JADE2: variants seen among roughly 807,000 people sequenced by gnomAD.
The protein encoded by JADE2 is E3 ubiquitin-protein ligase Jade-2.
In JADE2, 13 loss-of-function variants were observed where a neutral mutation model predicts 85.7. The observed-to-expected ratio is 0.15, with a 90% CI of 0.10 to 0.24. The LOEUF (loss-of-function observed/expected upper bound fraction) is 0.24. Ranked by LOEUF, JADE2 falls within the 10% of genes least tolerant of loss-of-function variation. JADE2 has a pLI of 1.00. For missense variants in JADE2, 846 were observed against 1,115.9 expected (o/e 0.76, Z 3.45); for synonymous variants, 440 against 456.1 (o/e 0.96, Z 0.45).
intron 3 of JADE2, among the ~76,000 whole-genome samples, chr5:134,548,653 A>G (rs1054050489): frequency 4.6e-5 from 7 of 152,104 alleles, no homozygotes; most frequent in East Asian, 1.9e-4. Flanking sequence ...TCTTCCCACA[A>G]TCTCCCTAAC....
At chr5:134,534,998 G>C (rs1018703274) in intron 1 of JADE2, among the ~76,000 whole-genome samples, 2 of 152,206 alleles carry the variant, frequency 1.3e-5, no homozygotes, top group African/African-American at 4.8e-5. Context: ...TGCGCCTGGG[G>C]ATCAGACCTC....
Position 134,566,637 on chromosome 5 carries a change from A to G in JADE2, c.1434+57A>G. The stretch of plus-strand genomic sequence containing the variant: ...CCTGGTGGGTCCAGGAGTCCTTTCC[A>G]TGCCACACTCACTGCCCTGGAGCAG... On this transcript the variant is annotated intron_variant, in intron 9 of 11. Transcript: ENST00000681547. This position sits in a 1 kb window ranked among gnomAD's most constrained non-coding sequence, Gnocchi z 6.7. The G allele has an allele frequency of 1.6e-6, 2 of 1,274,814 alleles. No individual in the cohort carries two copies. The highest frequency in any genetic ancestry group is 2.2e-6 in the Non-Finnish European group (2 of 927,664). The allele number at this position is 1,274,814 out of a possible 1,614,324, so 79.0% of individuals were successfully genotyped here.
rs563671748 is a variant in JADE2 at position 134,563,675 on chromosome 5, A to G, written c.853-819A>G. ...CCTGGGCTCACAGTCTGAAGCCCAC[A>G]ATGCGGGCTTCTGTGATAACAGTTG... On this transcript the variant is annotated intron_variant, in intron 7 of 11. Coordinates refer to ENST00000681547, the MANE Select transcript of JADE2 (RefSeq NM_001388185.1). Among the ~76,000 whole-genome samples, 20 of 152,334 alleles carry G rather than the reference A, an allele frequency of 1.3e-4. No individual in the cohort carries two copies. The South Asian group carries it at 3.7e-3, about 28-fold the overall frequency.
intron 4 of JADE2, among the ~76,000 whole-genome samples, chr5:134,555,188 A>G (rs536635053): frequency 4.0e-5 from 6 of 150,638 alleles, no homozygotes; most frequent in Non-Finnish European, 8.9e-5. Flanking sequence ...TGCCCACCTC[A>G]TGGTCTGAAA....
At chr5:134,573,549 C>G (rs1764172074) in intron 9 of JADE2, 96 bp from the exon 10 acceptor site, 1 of 832,628 alleles carries the variant, frequency 1.2e-6, no homozygotes, top group African/African-American at 1.7e-5. Context: ...AGCCTGTGCC[C>G]CTGGCACTGC....
upstream of JADE2, among the ~76,000 whole-genome samples, chr5:134,525,187 G>C (rs1388494063): frequency 2.6e-5 from 4 of 151,564 alleles, no homozygotes; most frequent in African/African-American, 4.9e-5. Flanking sequence ...TTAAGGTTGC[G>C]GGGGGCGCCG....
chr5:134,525,939 T>C lies in JADE2; in HGVS notation c.-73T>C. ...CCAGGAGCTCCCGGCTTCGGGAGCA[T>C]CCTTCCCGCGCCGGTCCCTGCAGCG... On this transcript the variant is annotated 5_prime_UTR_variant, in exon 1 of 12. Transcript: ENST00000681547. The C allele has an allele frequency of 1.0e-6, 1 of 985,726 alleles. No homozygotes were observed. Among genetic ancestry groups the C allele is most frequent in the Non-Finnish European group, 1.2e-6 (1 of 830,432 alleles). 61.1% of individuals were successfully genotyped at this position (985,726 alleles called of 1,614,324 possible). A position where few individuals can be genotyped will look rare whatever the true frequency, so the allele number is the denominator to read the frequency against.
At chr5:134,543,242 T>C (rs1277995775) in intron 3 of JADE2, among the ~76,000 whole-genome samples, 3 of 149,272 alleles carry the variant, frequency 2.0e-5, no homozygotes, top group East Asian at 2.1e-4. Flanking sequence ...ACCATGTTGG[T>C]CAGGCTTGTC....
In JADE2 at chr5:134,527,660, C is replaced by G. The variant is rs1031434685; in HGVS notation, c.-1+1649C>G. On this transcript the variant is annotated intron_variant, in intron 1 of 11. Coordinates refer to ENST00000681547, the MANE Select transcript of JADE2 (RefSeq NM_001388185.1). ...CCTCCTCCGGCTCCTCCTCCCGGCTCCGGCGGTCGGAATCACGCCGGCGCG... is the reference window on the plus strand; with the variant it reads ...CCTCCTCCGGCTCCTCCTCCCGGCTGCGGCGGTCGGAATCACGCCGGCGCG... 6.6e-4 allele frequency among the ~76,000 whole-genome samples: 100 copies of G among 152,090 alleles called. 2 individuals are homozygous for G. The highest frequency in any genetic ancestry group is 2.1e-4 in the South Asian group (1 of 4,814).
At chr5:134,555,875 C>T (rs1450272530) in intron 4 of JADE2, among the ~76,000 whole-genome samples, 1 of 151,572 alleles carries the variant, frequency 6.6e-6, no homozygotes, top group Non-Finnish European at 1.5e-5. Flanking sequence ...TGACCTAGAA[C>T]CTTCCTTCAT....
intron 11 of JADE2, 54 bp downstream of exon 11, chr5:134,576,950 C>T: frequency 1.3e-6 from 2 of 1,489,628 alleles, no homozygotes; most frequent in East Asian, 2.5e-5. Flanking sequence ...CATCACCACG[C>T]TTGCAGCTCT....
At chr5:134,567,385 C>T (rs1466749648) in intron 9 of JADE2, among the ~76,000 whole-genome samples, 4 of 152,130 alleles carry the variant, frequency 2.6e-5, no homozygotes, top group South Asian at 2.1e-4. Flanking sequence ...AAACAGGTGA[C>T]GGTGGCTTGG....
intron 10 of JADE2, chr5:134,574,904 G>C (rs1392238694): frequency 1.3e-5 from 2 of 152,306 alleles, no homozygotes; most frequent in East Asian, 3.8e-4. Flanking sequence ...CCAGTTTAGG[G>C]ATAGAAGTAT....
chr5:134,547,960 C>G (rs885324), intron 3 of JADE2, among the ~76,000 whole-genome samples: 122,417 of 152,186 alleles, frequency 0.8, 49,501 homozygotes, highest in East Asian at 0.96. Flanking sequence ...ATTGGGGAAG[C>G]CTTCCTAGAG....
At chr5:134,530,272 A>C (rs888703224) in intron 1 of JADE2, among the ~76,000 whole-genome samples, 15 of 152,370 alleles carry the variant, frequency 9.8e-5, no homozygotes, top group African/African-American at 3.1e-4. Context: ...AAATTGTATT[A>C]GCATCTTATT....
chr5:134,525,609 CACCCCAACACAT>C (rs1332439454), upstream of JADE2: 3 of 427,034 alleles, frequency 7.0e-6, no homozygotes, highest in East Asian at 3.9e-4. Flanking sequence ...ACCCCACCCC[CACCCCAACACAT>C]TTTTTTTTTC....
At chr5:134,533,461 G>T in intron 1 of JADE2, 5 of 847,880 alleles carry the variant, frequency 5.9e-6, no homozygotes, top group Non-Finnish European at 7.1e-6. Flanking sequence ...TCTATGAGGA[G>T]AGGAGCTAGG....
chr5:134,533,742 T>C (rs1170704792), intron 1 of JADE2, among the ~76,000 whole-genome samples: 4 of 47,332 alleles, frequency 8.5e-5, no homozygotes, highest in African/African-American at 2.8e-4. Context: ...CTCTCTTTTT[T>C]TTTTTTTTTT....
At chr5:134,528,076 C>T (rs1342903582) in intron 1 of JADE2, among the ~76,000 whole-genome samples, 2 of 152,094 alleles carry the variant, frequency 1.3e-5, no homozygotes, top group Admixed American at 6.5e-5. Flanking sequence ...GCTGCCTTGC[C>T]TTTGTTGGAA....
Sources: gnomAD v4.1 joint callset for allele counts (sites outside exome capture counted in the v4.1 genomes callset) on GRCh38, gnomAD v4.1.1 for gene constraint, Gnocchi (gnomAD v3.1) non-coding constraint, MANE v1.5 for transcripts, NCBI Gene and HGNC (gene_info 2026-07-23, HGNC 2026-07-21) for gene names.